HOOK3: variants seen among roughly 807,000 people sequenced by gnomAD.
HOOK3 encodes the protein hook microtubule tethering protein 3, also known as protein Hook homolog 3.
Under a neutral mutation model 116.3 loss-of-function variants are expected in HOOK3, and 24 were observed. The observed-to-expected ratio is 0.21, with a 90% confidence interval of 0.15 to 0.29. The LOEUF (loss-of-function observed/expected upper bound fraction) is 0.29, where lower values mean the gene tolerates loss of function less well. Ranked by LOEUF, HOOK3 falls within the 10% of genes least tolerant of loss-of-function variation. HOOK3 has a pLI of 1.00. For synonymous variants in HOOK3, 275 were observed against 283.0 expected (o/e 0.97, Z 0.28); for missense variants, 632 against 830.2 (o/e 0.76, Z 2.93).
intron 16 of HOOK3, among the ~76,000 whole-genome samples, chr8:43,000,660 T>C (rs1279901905): frequency 6.6e-6 from 1 of 152,168 alleles, no homozygotes; most frequent in Non-Finnish European, 1.5e-5. Context: ...ATGCATGGAC[T>C]CTGGGGTCTG....
At chr8:42,990,180 G>C (rs946739522) in intron 15 of HOOK3, among the ~76,000 whole-genome samples, 1 of 151,828 alleles carries the variant, frequency 6.6e-6, no homozygotes, top group Admixed American at 6.6e-5. Context: ...ATTTTCTGGA[G>C]AGACAGGGTC....
At chr8:42,954,481 G>C (rs1808400092) in intron 6 of HOOK3, among the ~76,000 whole-genome samples, 1 of 152,158 alleles carries the variant, frequency 6.6e-6, no homozygotes, top group Non-Finnish European at 1.5e-5. Context: ...TTAAATTGTG[G>C]TATGTCCATA....
chr8:42,921,927 C>T (rs1186992856), intron 2 of HOOK3, among the ~76,000 whole-genome samples: 1 of 152,134 alleles, frequency 6.6e-6, no homozygotes, highest in African/African-American at 2.4e-5. Context: ...TCTTAAGTAC[C>T]ATAACATCAG....
At chr8:42,977,662 T>TC (rs750719764) in intron 13 of HOOK3, among the ~76,000 whole-genome samples, 1 of 150,848 alleles carries the variant, frequency 6.6e-6, no homozygotes, top group Non-Finnish European at 1.5e-5. Flanking sequence ...AGGCCAGGAG[T>TC]CGGAGACCAG....
chr8:43,013,669 G>T (rs540285542), intron 21 of HOOK3, among the ~76,000 whole-genome samples: 2 of 152,300 alleles, frequency 1.3e-5, no homozygotes, highest in East Asian at 3.9e-4. Flanking sequence ...AGACTTTATT[G>T]TAAGAGAAGG....
intron 9 of HOOK3, 152 bp downstream of exon 9, chr8:42,964,626 A>G (rs536678032): frequency 4.7e-6 from 3 of 632,634 alleles, no homozygotes; most frequent in African/African-American, 3.6e-5. Flanking sequence ...CGGGGATTCA[A>G]AATCAGCTTG....
At chr8:42,927,403 C>T (rs1239811642) in intron 3 of HOOK3, among the ~76,000 whole-genome samples, 3 of 151,814 alleles carry the variant, frequency 2.0e-5, no homozygotes. Context: ...ATTACAGGCG[C>T]ACGCCATGAT....
chr8:42,932,280 T>C (rs966847340), intron 4 of HOOK3, among the ~76,000 whole-genome samples: 21 of 152,210 alleles, frequency 1.4e-4, no homozygotes, highest in African/African-American at 3.6e-4. Flanking sequence ...GAAGTACTTA[T>C]ATTTACTAGA....
At chr8:42,928,992 A>G (rs1044041586) in intron 3 of HOOK3, among the ~76,000 whole-genome samples, 1 of 152,216 alleles carries the variant, frequency 6.6e-6, no homozygotes, top group Non-Finnish European at 1.5e-5. Flanking sequence ...CAGTGAGCCA[A>G]GATTGCGCCA....
intron 15 of HOOK3, among the ~76,000 whole-genome samples, chr8:42,992,133 T>C (rs1274920030): frequency 1.3e-5 from 2 of 152,048 alleles, no homozygotes; most frequent in Non-Finnish European, 1.5e-5. Context: ...GGGCCCGGTG[T>C]TTCATGCCTG....
chr8:43,008,658 TTTTTA>T (rs1809541345), intron 18 of HOOK3, among the ~76,000 whole-genome samples: 1 of 147,666 alleles, frequency 6.8e-6, no homozygotes, highest in African/African-American at 2.5e-5. Context: ...TTTATTTTTA[TTTTTA>T]TTTTTTTTTT....
chr8:42,970,558 G>A (rs774186162), intron 11 of HOOK3, among the ~76,000 whole-genome samples: 3 of 152,076 alleles, frequency 2.0e-5, no homozygotes, highest in South Asian at 4.1e-4. Context: ...TAAAGATTTT[G>A]TGCATATTTC....
chr8:43,022,953 T>C lies in HOOK3; in HGVS notation c.*4455T>C, dbSNP rs928646800. ...CAGGTGCGGTGGCTCACGCCTGTAATCCCAGCACTTTGGGAGGCCAAGGCA... is the reference window on the plus strand; with the variant it reads ...CAGGTGCGGTGGCTCACGCCTGTAACCCCAGCACTTTGGGAGGCCAAGGCA... On this transcript the variant is annotated 3_prime_UTR_variant, in exon 22 of 22. Coordinates refer to ENST00000307602, the MANE Select transcript of HOOK3 (RefSeq NM_032410.4). 7.5e-5 allele frequency: 12 copies of C among 159,946 alleles called. No individual in the cohort carries two copies. Among genetic ancestry groups the C allele is most frequent in the Non-Finnish European group, 1.5e-4 (11 of 72,666 alleles). 9.9% of individuals were successfully genotyped at this position (159,946 alleles called of 1,614,324 possible). A position where few individuals can be genotyped will look rare whatever the true frequency, so the allele number is the denominator to read the frequency against.
chr8:42,945,244 A>G (rs1744712057), intron 5 of HOOK3, among the ~76,000 whole-genome samples: 1 of 152,342 alleles, frequency 6.6e-6, no homozygotes, highest in African/African-American at 2.4e-5. Context: ...TTCACAAAAC[A>G]TTAGTTATTA....
At chr8:42,987,302 G>A (rs549878329) in intron 15 of HOOK3, among the ~76,000 whole-genome samples, 22 of 152,142 alleles carry the variant, frequency 1.4e-4, no homozygotes, top group African/African-American at 4.3e-4. Context: ...AAAACATTGG[G>A]CCTTTTTAGA....
intron 4 of HOOK3, among the ~76,000 whole-genome samples, chr8:42,933,708 G>A (rs1427026498): frequency 2.0e-5 from 3 of 152,174 alleles, no homozygotes; most frequent in Non-Finnish European, 4.4e-5. Flanking sequence ...CCACAAATCT[G>A]AAAATAATCT....
At chr8:43,008,467 G>A (rs1051996917) in intron 18 of HOOK3, among the ~76,000 whole-genome samples, 2 of 151,766 alleles carry the variant, frequency 1.3e-5, no homozygotes, top group African/African-American at 4.8e-5. Context: ...ACAGGCATGA[G>A]CCACCCTGCC....
At chr8:42,976,040 A>ATGTGTG (rs10675533) in intron 13 of HOOK3, among the ~76,000 whole-genome samples, 7,376 of 148,794 alleles carry the variant, frequency 0.05, 202 homozygotes, top group South Asian at 0.085. Context: ...GTATATATAT[A>ATGTGTG]TGTGTGTGTG....
chr8:43,001,566 A>G (rs1418408180), intron 16 of HOOK3, among the ~76,000 whole-genome samples: 1 of 150,452 alleles, frequency 6.6e-6, no homozygotes, highest in Non-Finnish European at 1.5e-5. Flanking sequence ...TTTTTTACCC[A>G]GTGAAAGCTA....
Sources: gnomAD v4.1 joint callset for allele counts (sites outside exome capture counted in the v4.1 genomes callset) on GRCh38, gnomAD v4.1.1 for gene constraint, MANE v1.5 for transcripts, NCBI Gene and HGNC (gene_info 2026-07-23, HGNC 2026-07-21) for gene names.